PDGFC: variants seen among roughly 807,000 people sequenced by gnomAD.
PDGFC encodes the protein platelet-derived growth factor C.
Under a neutral mutation model 35.5 loss-of-function variants are expected in PDGFC, and 12 were observed. The ratio of observed to expected loss-of-function variants is 0.34; its 90% CI spans 0.22 to 0.55. PDGFC has a LOEUF of 0.55. PDGFC is among the 20% of genes least tolerant of loss of function. PDGFC has a pLI of 0.91. For missense variants in PDGFC, 322 were observed against 412.4 expected (o/e 0.78, Z 1.90); for synonymous variants, 159 against 148.8 (o/e 1.07, Z -0.50).
chr4:156,900,643 C>G (rs1381142891), intron 1 of PDGFC, among the ~76,000 whole-genome samples: 2 of 152,018 alleles, frequency 1.3e-5, no homozygotes, highest in African/African-American at 4.8e-5. Flanking sequence ...GAGTTCAAAA[C>G]CAGCAAGGGC....
chr4:156,787,809 T>C (rs537159117), intron 3 of PDGFC, among the ~76,000 whole-genome samples: 1 of 152,146 alleles, frequency 6.6e-6, no homozygotes, highest in African/African-American at 2.4e-5. Flanking sequence ...TGCAGGTAAG[T>C]AGCGTGAGGA....
At chr4:156,793,052 A>T (rs1021254952) in intron 3 of PDGFC, among the ~76,000 whole-genome samples, 2 of 152,156 alleles carry the variant, frequency 1.3e-5, no homozygotes, top group Non-Finnish European at 2.9e-5. Flanking sequence ...ACAGGGCATA[A>T]CTTCAACAAG....
chr4:156,850,500 T>C (rs767824527), intron 1 of PDGFC, 84 bp from the exon 2 acceptor site: 34 of 677,874 alleles, frequency 5.0e-5, no homozygotes, highest in Non-Finnish European at 8.1e-5. Context: ...ATTCACACTT[T>C]ACCTCAGACA....
At chr4:156,943,242 T>G (rs1731856856) in intron 1 of PDGFC, among the ~76,000 whole-genome samples, 1 of 152,112 alleles carries the variant, frequency 6.6e-6, no homozygotes, top group African/African-American at 2.4e-5. Flanking sequence ...AATTAATACC[T>G]ATGATGTAGC....
chr4:156,838,008 C>A (rs998658786), intron 2 of PDGFC, among the ~76,000 whole-genome samples: 10 of 151,756 alleles, frequency 6.6e-5, no homozygotes, highest in Non-Finnish European at 2.9e-5. Flanking sequence ...GTAATTGCTA[C>A]AGAGTCAAAG....
Position 156,838,238 on chromosome 4 carries a change from T to C in PDGFC, c.314+11983A>G, listed in dbSNP as rs75704057. On this transcript the variant is annotated intron_variant, in intron 2 of 5. Transcript: ENST00000502773. ...TTTTTGTACCACCAGCACCTCTTCC[T>C]CCTCCTAAAGAAAAAGGAATGTTTT... Among the ~76,000 whole-genome samples, 947 of 152,278 alleles carry C rather than the reference T, an allele frequency of 6.2e-3. 15 individuals carry two copies. The highest frequency in any genetic ancestry group is 0.022 in the African/African-American group (911 of 41,550).
intron 3 of PDGFC, among the ~76,000 whole-genome samples, chr4:156,797,082 G>C (rs1250533024): frequency 6.6e-6 from 1 of 151,502 alleles, no homozygotes; most frequent in Non-Finnish European, 1.5e-5. Context: ...CTAAAAATAC[G>C]AAAAGATTAG....
In PDGFC at chr4:156,971,431, G is replaced by A. The variant is rs1732591681; in HGVS notation, c.-528C>T. The A allele has an allele frequency of 5.3e-6, 2 of 376,850 alleles. No individual in the cohort carries two copies. The highest frequency in any genetic ancestry group is 6.8e-4 in the Middle Eastern group (1 of 1,476). The allele number at this position is 376,850 out of a possible 1,614,324, so 23.3% of individuals were successfully genotyped here. On this transcript the variant is annotated 5_prime_UTR_variant, in exon 1 of 6. Coordinates refer to ENST00000502773, the MANE Select transcript of PDGFC (RefSeq NM_016205.3). ...CCGCCCCACCCCCCACCCCCGAAGG[G>A]GGAGGGGGAAGAAACAAGGCGAGGG...
intron 2 of PDGFC, among the ~76,000 whole-genome samples, chr4:156,840,414 G>T (rs1001780816): frequency 2.0e-5 from 3 of 152,214 alleles, no homozygotes; most frequent in Non-Finnish European, 4.4e-5. Flanking sequence ...CAGAAAACAA[G>T]AATTGAGGTT....
At chr4:156,944,656 G>A (rs544269344) in intron 1 of PDGFC, among the ~76,000 whole-genome samples, 5 of 152,152 alleles carry the variant, frequency 3.3e-5, no homozygotes, top group African/African-American at 9.6e-5. Context: ...TCAGGCTGGC[G>A]CCTGACAATC....
At chr4:156,809,620 C>T (rs1489363826) in intron 3 of PDGFC, among the ~76,000 whole-genome samples, 1 of 151,782 alleles carries the variant, frequency 6.6e-6, no homozygotes, top group East Asian at 1.9e-4. Flanking sequence ...GTAATACATA[C>T]ATATAGTATG....
chr4:156,942,787 T>A (rs1731840576), intron 1 of PDGFC, among the ~76,000 whole-genome samples: 2 of 149,704 alleles, frequency 1.3e-5, no homozygotes, highest in South Asian at 4.2e-4. Flanking sequence ...TAATTATGTA[T>A]AATTGCAATA....
intron 2 of PDGFC, among the ~76,000 whole-genome samples, chr4:156,822,662 T>C (rs10049693): frequency 0.059 from 9,034 of 152,226 alleles, 884 homozygotes; most frequent in African/African-American, 0.21. Flanking sequence ...ATTAGACATA[T>C]GCAGAGATTA....
intron 2 of PDGFC, among the ~76,000 whole-genome samples, chr4:156,831,544 A>G (rs886724169): frequency 1.4e-5 from 2 of 147,854 alleles, no homozygotes; most frequent in African/African-American, 5.1e-5. Context: ...CCCGAGTTAC[A>G]GCAATTCTCC....
chr4:156,860,415 C>T (rs1021183754), intron 1 of PDGFC, among the ~76,000 whole-genome samples: 2 of 152,066 alleles, frequency 1.3e-5, no homozygotes, highest in African/African-American at 2.4e-5. Flanking sequence ...ATACCATTTC[C>T]TTGACAATTC....
rs1246663613 is a variant in PDGFC at position 156,762,056 on chromosome 4, G to T, written c.*1034C>A. On this transcript the variant is annotated 3_prime_UTR_variant, in exon 6 of 6. Transcript: ENST00000502773. ...TTCATCTCCAATAACAGGAATGGAA[G>T]ATATGATAATTTAATTATTTTCAAA... 6.5e-6 allele frequency: 1 copy of T among 152,706 alleles called. No individual in the cohort carries two copies. The highest frequency in any genetic ancestry group is 6.5e-5 in the Admixed American group (1 of 15,298). 9.5% of individuals were successfully genotyped at this position (152,706 alleles called of 1,614,324 possible).
intron 1 of PDGFC, among the ~76,000 whole-genome samples, chr4:156,911,097 A>G (rs147280678): frequency 0.01 from 1,543 of 152,242 alleles, 12 homozygotes; most frequent in Non-Finnish European, 0.014. Context: ...TTTTGGGATC[A>G]TATCTAAGTA....
At position 156,804,619 on chromosome 4, in the gene PDGFC, G is replaced by C. The variant is rs138385219; in HGVS notation, c.495+6218C>G. ...TAGGTATTTTTTTCCTCCAAAACGA[G>C]ATAAGTTATCAGAGACCAAGGGAGA... On this transcript the variant is annotated intron_variant, in intron 3 of 5. Transcript: ENST00000502773. Among the ~76,000 whole-genome samples the C allele has an allele frequency of 3.4e-4, 51 of 151,954 alleles. No homozygotes were observed. In the East Asian group the frequency reaches 7.0e-3, roughly 21 times the overall value.
intron 1 of PDGFC, among the ~76,000 whole-genome samples, chr4:156,949,726 A>G (rs2110933763): frequency 6.6e-6 from 1 of 152,062 alleles, no homozygotes; most frequent in East Asian, 1.9e-4. Flanking sequence ...ACATTTCCTA[A>G]GTGTGTATTA....
Sources: gnomAD v4.1 joint callset for allele counts (sites outside exome capture counted in the v4.1 genomes callset) on GRCh38, gnomAD v4.1.1 for gene constraint, MANE v1.5 for transcripts, NCBI Gene and HGNC (gene_info 2026-07-23, HGNC 2026-07-21) for gene names.